Variants in ANKFN1 observed in about 807,000 individuals in gnomAD.
The protein encoded by ANKFN1 is ankyrin repeat and fibronectin type-III domain-containing protein 1.
In ANKFN1, 74 loss-of-function variants were observed where a neutral mutation model predicts 108.7. The ratio of observed to expected loss-of-function variants is 0.68; its 90% CI spans 0.56 to 0.83. The LOEUF (loss-of-function observed/expected upper bound fraction) is 0.83. Ranked by LOEUF, ANKFN1 falls within the 40% of genes least tolerant of loss-of-function variation. The probability of loss-of-function intolerance (pLI) is 0.00; values close to 1 mark genes in which losing one functional copy is unlikely to be tolerated. For synonymous variants in ANKFN1, 547 were observed against 516.2 expected, an observed-to-expected ratio of 1.06 and a Z score of -0.81; for missense variants, 1,505 against 1,382.3, an observed-to-expected ratio of 1.09 and a Z score of -1.41.
At chr17:56,443,555 C>A (rs527340576) in intron 10 of ANKFN1, among the ~76,000 whole-genome samples, 2 of 152,100 alleles carry the variant, frequency 1.3e-5, no homozygotes, top group Non-Finnish European at 2.9e-5. Context: ...ACATCCACAT[C>A]GACCTGATAA....
intron 3 of ANKFN1, among the ~76,000 whole-genome samples, chr17:56,302,990 A>T (rs2044716773): frequency 6.6e-6 from 1 of 152,228 alleles, no homozygotes; most frequent in Admixed American, 6.5e-5. Flanking sequence ...CTGCCTGTTT[A>T]TATGTTATTG....
At chr17:56,373,519 A>C (rs1203247865) in intron 7 of ANKFN1, among the ~76,000 whole-genome samples, 3 of 152,246 alleles carry the variant, frequency 2.0e-5, no homozygotes, top group African/African-American at 7.2e-5. Flanking sequence ...ATCGTAACTA[A>C]ACAACAACAA....
rs190974482 is a variant in ANKFN1 at position 56,132,697 on chromosome 17, C to A, written c.288+86372C>A. Among the ~76,000 whole-genome samples the A allele has an allele frequency of 1.9e-3, 287 of 152,134 alleles. 1 individual carries two copies. Among genetic ancestry groups the A allele is most frequent in the African/African-American group, 6.5e-3 (271 of 41,484 alleles). On this transcript the variant is annotated intron_variant, in intron 4 of 12. Coordinates refer to the ANKFN1 transcript ENST00000635860. ...GACTAAGAAGTCCAAGATTAAGATG[C>A]CTGTAGATTCAGCATCTGATGAGGG...
At chr17:56,057,796 A>G (rs1598084679) in intron 4 of ANKFN1, among the ~76,000 whole-genome samples, 1 of 146,906 alleles carries the variant, frequency 6.8e-6, no homozygotes, top group Non-Finnish European at 1.5e-5. Flanking sequence ...AAAAAAAAAA[A>G]TGTGTTGAAA....
chr17:56,274,154 A>C (rs186868589), intron 3 of ANKFN1, among the ~76,000 whole-genome samples: 15 of 152,354 alleles, frequency 9.8e-5, no homozygotes, highest in African/African-American at 3.4e-4. Flanking sequence ...AGAACCCTAA[A>C]GAAATCTGGG....
chr17:56,166,639 G>C (rs746602033), intron 1 of ANKFN1, among the ~76,000 whole-genome samples: 2 of 151,984 alleles, frequency 1.3e-5, no homozygotes, highest in Non-Finnish European at 2.9e-5. Context: ...CCACTGGAAT[G>C]GCCTAAAATG....
intron 4 of ANKFN1, among the ~76,000 whole-genome samples, chr17:56,141,063 C>T (rs1907890824): frequency 6.6e-6 from 1 of 152,178 alleles, no homozygotes; most frequent in African/African-American, 2.4e-5. Flanking sequence ...CACCCAGATT[C>T]TCTAATTCTC....
intron 8 of ANKFN1, among the ~76,000 whole-genome samples, chr17:56,429,675 G>C (rs1176877002): frequency 6.6e-6 from 1 of 152,106 alleles, no homozygotes; most frequent in Non-Finnish European, 1.5e-5. Context: ...ACCAGTACAA[G>C]GTTTCTATGT....
chr17:56,197,366 C>T lies in ANKFN1; in HGVS notation c.-70-15232C>T, dbSNP rs556482462. On this transcript the variant is annotated intron_variant, in intron 1 of 20. Coordinates refer to ENST00000682825, the MANE Select transcript of ANKFN1 (RefSeq NM_001370326.1). ...AAACACTGAATTTGATTATGCTAGG[C>T]GTGGAGTTTAAAAGACCTGAATTGT... Among the ~76,000 whole-genome samples the T allele has an allele frequency of 4.1e-4, 63 of 152,178 alleles. No individual in the cohort carries two copies. The South Asian group carries it at 0.013, about 31-fold the overall frequency.
At chr17:56,410,428 A>T (rs1163669509) in intron 8 of ANKFN1, among the ~76,000 whole-genome samples, 1 of 152,186 alleles carries the variant, frequency 6.6e-6, no homozygotes, top group Non-Finnish European at 1.5e-5. Flanking sequence ...AAAGAATTGC[A>T]TATAGTTATG....
At chr17:56,250,254 G>A (rs908175261) in intron 3 of ANKFN1, among the ~76,000 whole-genome samples, 6 of 152,064 alleles carry the variant, frequency 3.9e-5, no homozygotes, top group Admixed American at 2.6e-4. Flanking sequence ...CCCTCCTCTC[G>A]TATATTTTGT....
intron 1 of ANKFN1, among the ~76,000 whole-genome samples, chr17:56,202,136 A>G (rs1914119963): frequency 6.6e-6 from 1 of 152,226 alleles, no homozygotes; most frequent in Non-Finnish European, 1.5e-5. Flanking sequence ...ATTACACTTG[A>G]TATACAACAG....
chr17:56,449,175 A>T lies in ANKFN1; in HGVS notation c.1196A>T (p.Tyr399Phe), dbSNP rs368025457. Residue 399 changes from tyrosine (Y) to phenylalanine (F), a missense_variant, in exon 11 of 21, where the codon TAC becomes TTC. By Grantham distance (22) the Tyr-to-Phe change is conservative. Coordinates refer to ENST00000682825, the MANE Select transcript of ANKFN1 (RefSeq NM_001370326.1). ...LQQVRALHQH[Y>F]SCRESTKLQT... is the part of the protein sequence containing the mutation. ...CAGGTCCGAGCCCTTCATCAGCATTACAGTTGCCGGGGTAAGGATAAAAAT... is the reference window on the plus strand; with the variant it reads ...CAGGTCCGAGCCCTTCATCAGCATTTCAGTTGCCGGGGTAAGGATAAAAAT... 1 of 1,613,002 alleles carries T rather than the reference A, an allele frequency of 6.2e-7. No individual in the cohort carries two copies. Among genetic ancestry groups the T allele is most frequent in the Non-Finnish European group, 8.5e-7 (1 of 1,179,306 alleles).
chr17:56,351,941 G>T (rs1159524000), intron 5 of ANKFN1, among the ~76,000 whole-genome samples: 1 of 151,998 alleles, frequency 6.6e-6, no homozygotes, highest in Non-Finnish European at 1.5e-5. Context: ...CTTGGAGGAG[G>T]AAATGACTTA....
intron 3 of ANKFN1, among the ~76,000 whole-genome samples, chr17:56,302,529 A>AT (rs958551396): frequency 2.0e-5 from 3 of 151,728 alleles, no homozygotes; most frequent in Admixed American, 6.6e-5. Context: ...AAAAAAAAAA[A>AT]AAAAGAGAGA....
At chr17:56,458,764 C>T (rs2049802070) in intron 14 of ANKFN1, among the ~76,000 whole-genome samples, 1 of 152,134 alleles carries the variant, frequency 6.6e-6, no homozygotes, top group African/African-American at 2.4e-5. Flanking sequence ...CGGGTATCTA[C>T]CTACAAATCT....
At position 56,326,248 on chromosome 17, in the gene ANKFN1, A is replaced by C. The variant is rs756414931; in HGVS notation, c.81A>C (p.Ala27=). Residue 27 remains alanine (A), a synonymous_variant, in exon 4 of 21, where the codon GCA becomes GCC. Transcript: ENST00000682825. ...TAGGAAGGAGATTCGCTTGCTTTGCACAGAGGCTGAGCCACAGGAGAAAGC... is the reference window on the plus strand; with the variant it reads ...TAGGAAGGAGATTCGCTTGCTTTGCCCAGAGGCTGAGCCACAGGAGAAAGC... ...KIIGRRFACF[A]QRLSHRRKQS... 1.9e-6 allele frequency: 3 copies of C among 1,613,654 alleles called. No individual in the cohort carries two copies. Among genetic ancestry groups the C allele is most frequent in the Non-Finnish European group, 2.5e-6 (3 of 1,179,794 alleles).
At chr17:56,077,530 A>AT (rs142897680) in intron 4 of ANKFN1, among the ~76,000 whole-genome samples, 10,821 of 152,050 alleles carry the variant, frequency 0.071, 489 homozygotes, top group Admixed American at 0.14. Flanking sequence ...CCTGTGTGTG[A>AT]TTTTTTACCC....
At chr17:56,167,268 TATATAC>T (rs1305810958) in intron 1 of ANKFN1, among the ~76,000 whole-genome samples, 3 of 35,290 alleles carry the variant, frequency 8.5e-5, no homozygotes, top group African/African-American at 2.5e-4. Flanking sequence ...TGTGTATATA[TATATAC>T]ATATATATAT....
Sources: allele counts gnomAD v4.1 joint callset (sites outside exome capture counted in the v4.1 genomes callset), GRCh38; gene constraint gnomAD v4.1.1; transcripts MANE v1.5; gene names NCBI Gene and HGNC (gene_info 2026-07-23, HGNC 2026-07-21).